The following FAM234B variants were observed in gnomAD, a reference collection of about 807,000 sequenced individuals.
FAM234B encodes protein FAM234B.
A neutral mutation model predicts 69.3 loss-of-function variants in FAM234B; 33 were observed. The ratio of observed to expected loss-of-function variants is 0.48; its 90% confidence interval spans 0.36 to 0.64. The LOEUF (loss-of-function observed/expected upper bound fraction) is 0.64, where lower values mean the gene tolerates loss of function less well. Among genes scored for constraint, FAM234B ranks in the 30% least tolerant of loss-of-function variants. FAM234B has a pLI of 0.00. For missense variants in FAM234B, 697 were observed against 769.7 expected (o/e 0.91, Z 1.12); for synonymous variants, 306 against 306.9 (o/e 1.00, Z 0.03).
chr12:13,068,209 A>C, intron 7 of FAM234B, 95 bp from the exon 8 acceptor site: 3 of 1,196,396 alleles, frequency 2.5e-6, no homozygotes, highest in Non-Finnish European at 3.7e-6. Context: ...AAGAGTGTGT[A>C]CAGGTGTACG....
At chr12:13,052,951 T>C (rs1864890622) in intron 1 of FAM234B, among the ~76,000 whole-genome samples, 4 of 152,220 alleles carry the variant, frequency 2.6e-5, no homozygotes, top group African/African-American at 4.8e-5. Flanking sequence ...TGTAGAGTTA[T>C]CTGGGATGGT....
At chr12:13,072,918 T>C (rs1865122650) in intron 10 of FAM234B, among the ~76,000 whole-genome samples, 1 of 152,012 alleles carries the variant, frequency 6.6e-6, no homozygotes, top group Admixed American at 6.6e-5. Flanking sequence ...TAAAGATTTC[T>C]TAAGATTAGG....
chr12:13,046,787 G>A (rs1034035089), intron 1 of FAM234B, among the ~76,000 whole-genome samples: 3 of 152,214 alleles, frequency 2.0e-5, no homozygotes, highest in African/African-American at 7.2e-5. Flanking sequence ...TCATGTGTGA[G>A]GAAGTCAGGT....
intron 3 of FAM234B, among the ~76,000 whole-genome samples, chr12:13,059,378 C>G (rs189564493): frequency 1.3e-5 from 2 of 152,368 alleles, no homozygotes; most frequent in East Asian, 3.9e-4. Context: ...CTGGCCACAT[C>G]TTTGTGAATA....
At position 13,079,989 on chromosome 12, in the gene FAM234B, T is replaced by C. The variant is rs1865206700; in HGVS notation, c.1843T>C (p.Phe615Leu). The C allele has an allele frequency of 6.2e-6, 10 of 1,606,078 alleles. No individual in the cohort carries two copies. Among genetic ancestry groups the C allele is most frequent in the Non-Finnish European group, 8.5e-6 (10 of 1,175,552 alleles). Residue 615 changes from phenylalanine to leucine, a missense_variant, in exon 12 of 13, where the codon TTT (phenylalanine) becomes CTT (leucine). By Grantham distance (22) the Phe-to-Leu change is conservative (BLOSUM62 0). This residue lies in a region of FAM234B where 313 missense variants were observed against 305.5 expected (regional missense o/e 1.02). Transcript: ENST00000197268. ...ELRRFLSRIKFVEAPYEI is the reference protein window; with the variant it reads ...ELRRFLSRIKLVEAPYEI ...GCGAAGATTTCTCTCTAGGATAAAG[T>C]TTGTTGAAGCTCCCTACGAGGTGAG...
rs747270760 is a variant in FAM234B, at chr12:13,062,829, A to G, written c.722-16A>G. 19 of 1,613,444 alleles carry G rather than the reference A, an allele frequency of 1.2e-5. No individual in the cohort carries two copies. Among genetic ancestry groups the G allele is most frequent in the Non-Finnish European group, 1.4e-5 (16 of 1,179,606 alleles). ...AAGAAGTTGTCATAGTGACCAGCCT[A>G]TGTGTCCTTCCTCAGGGAAAGCCAT... is the stretch of plus-strand genomic sequence containing the variant. On this transcript the variant is annotated splice_polypyrimidine_tract_variant and intron_variant, in intron 4 of 12. Coordinates refer to ENST00000197268, the MANE Select transcript of FAM234B (RefSeq NM_020853.2).
chr12:13,061,847 T>C, intron 4 of FAM234B, 84 bp downstream of exon 4: 1 of 1,169,074 alleles, frequency 8.6e-7, no homozygotes, highest in East Asian at 2.5e-5. Flanking sequence ...GGGGACCTTT[T>C]GACTCTCACG....
At chr12:13,060,576 C>T (rs1253648874) in intron 3 of FAM234B, among the ~76,000 whole-genome samples, 1 of 150,994 alleles carries the variant, frequency 6.6e-6, no homozygotes. Flanking sequence ...TTACCATATA[C>T]CACCTCTGTT....
intron 1 of FAM234B, among the ~76,000 whole-genome samples, chr12:13,046,506 G>A (rs536455420): frequency 4.6e-5 from 7 of 152,058 alleles, no homozygotes; most frequent in African/African-American, 1.4e-4. Flanking sequence ...TCTTGCCCAG[G>A]CTGGAGTGCA....
Position 13,044,700 on chromosome 12 carries a change from C to A in FAM234B, c.37+260C>A, listed in dbSNP as rs960568556. Among the ~76,000 whole-genome samples, 44 of 152,184 alleles carry A rather than the reference C, an allele frequency of 2.9e-4. 1 individual carries two copies. The highest frequency in any genetic ancestry group is 1.0e-3 in the African/African-American group (43 of 41,442). On this transcript the variant is annotated intron_variant, in intron 1 of 12. Transcript: ENST00000197268. The surrounding 1 kb of genome is among the most constrained non-coding windows in gnomAD (Gnocchi z 5.6). ...GGGAGAGGGCGCCGAGCAGGTGTTA[C>A]GGCGGGGAATGTCAGAACGCCGGTC...
rs373297852 is a variant in FAM234B, at chr12:13,062,940, C to G, written c.817C>G (p.Arg273Gly). The change falls in exon 5 of 13, where the codon CGA (arginine) becomes GGA (glycine). Residue 273 changes from arginine (R) to glycine (G), a missense_variant. By Grantham distance (125) the Arg-to-Gly change is moderately radical. Coordinates refer to ENST00000197268, the MANE Select transcript of FAM234B (RefSeq NM_020853.2). ...VLPDLDEDGV[R>G]DLVVLAIGEL... ...GCCAGACTTGGATGAAGACGGTGTT[C>G]GAGACCTTGTGGTTCTGGCCATTGG... 3 of 1,613,888 alleles carry G rather than the reference C, an allele frequency of 1.9e-6. No individual in the cohort carries two copies. The African/African-American group carries it at 4.0e-5, about 22-fold the overall frequency.
chr12:13,068,496 A>G, intron 8 of FAM234B, 49 bp downstream of exon 8: 1 of 1,604,996 alleles, frequency 6.2e-7, no homozygotes, highest in Non-Finnish European at 8.5e-7. Flanking sequence ...CCACTTTCCC[A>G]TGTTTAAAAA....
At chr12:13,071,419 CT>C (rs1591601529) in intron 10 of FAM234B, 23 bp downstream of exon 10, 1 of 1,609,664 alleles carries the variant, frequency 6.2e-7, no homozygotes. Flanking sequence ...GGGAGGGTCC[CT>C]TTTTTACTTT....
chr12:13,047,171 G>A (rs116984772), intron 1 of FAM234B, among the ~76,000 whole-genome samples: 4,119 of 152,238 alleles, frequency 0.027, 60 homozygotes, highest in Middle Eastern at 0.041. Flanking sequence ...GCTCAAGAAG[G>A]AAAGATGTTT....
intron 2 of FAM234B, among the ~76,000 whole-genome samples, chr12:13,057,518 C>CTT (rs1466891191): frequency 1.6e-4 from 24 of 151,834 alleles, no homozygotes; most frequent in African/African-American, 5.6e-4. Context: ...TTTCCTATTG[C>CTT]AGTGTATAAG....
At position 13,081,039 on chromosome 12, in the gene FAM234B, T is replaced by C. The variant is rs1051995763; in HGVS notation, c.*409T>C. 1.8e-5 allele frequency: 3 copies of C among 162,942 alleles called. No individual in the cohort carries two copies. Among genetic ancestry groups the C allele is most frequent in the African/African-American group, 7.2e-5 (3 of 41,954 alleles). 10.1% of individuals were successfully genotyped at this position (162,942 alleles called of 1,614,324 possible). On this transcript the variant is annotated 3_prime_UTR_variant, in exon 13 of 13. Transcript: ENST00000197268. ...TTGTGGTGAAGTTATTTTCCAGGTATGTCCTAAGCTTCAGGGATCCAGTTT... is the reference window on the plus strand; with the variant it reads ...TTGTGGTGAAGTTATTTTCCAGGTACGTCCTAAGCTTCAGGGATCCAGTTT...
At position 13,061,690 on chromosome 12, in the gene FAM234B, A is replaced by T. The variant is rs761033907; in HGVS notation, c.648A>T (p.Pro216=). The T allele has an allele frequency of 1.2e-6, 2 of 1,614,178 alleles. No individual in the cohort carries two copies. Among genetic ancestry groups the T allele is most frequent in the Admixed American group, 3.3e-5 (2 of 60,016 alleles). ...ATATCACATGTTTGGAGCTGATGCCAGGAAGCTTGGCTGAAACCATCTGCC... is the reference window on the plus strand; with the variant it reads ...ATATCACATGTTTGGAGCTGATGCCTGGAAGCTTGGCTGAAACCATCTGCC... ...ARDITCLELM[P]GSLAETICLV... Residue 216 remains proline, a synonymous_variant, in exon 4 of 13, where the codon CCA becomes CCT. Transcript: ENST00000197268.
intron 1 of FAM234B, among the ~76,000 whole-genome samples, chr12:13,047,782 C>T (rs930815845): frequency 6.6e-6 from 1 of 152,140 alleles, no homozygotes; most frequent in Non-Finnish European, 1.5e-5. Flanking sequence ...GTGCCCTAAG[C>T]TTGGAAGCTG....
chr12:13,075,774 T>A (rs1050280568), intron 10 of FAM234B, among the ~76,000 whole-genome samples: 1 of 152,032 alleles, frequency 6.6e-6, no homozygotes, highest in African/African-American at 2.4e-5. Context: ...TTTTTTTTCT[T>A]ACAAGGGAGA....
Sources: gnomAD v4.1 joint callset for allele counts (sites outside exome capture counted in the v4.1 genomes callset) on GRCh38, gnomAD v4.1.1 for gene constraint, gnomAD v4.1.1 regional missense constraint, Gnocchi (gnomAD v3.1) non-coding constraint, MANE v1.5 for transcripts, NCBI Gene and HGNC (gene_info 2026-07-23, HGNC 2026-07-21) for gene names.